KLF8: variants seen among roughly 807,000 people sequenced by gnomAD.
KLF8 encodes KLF transcription factor 8, also known as Krueppel-like factor 8.
KLF8 carries 10 observed loss-of-function variants against 18.2 expected under a neutral mutation model. The ratio of observed to expected loss-of-function variants is 0.55; its 90% CI spans 0.34 to 0.93. KLF8 has a LOEUF of 0.93. KLF8 is among the 40% of genes least tolerant of loss of function. The pLI is 0.02. For synonymous variants in KLF8, 109 were observed against 97.3 expected, an observed-to-expected ratio of 1.12 and a Z score of -0.71; for missense variants, 264 against 277.9, an observed-to-expected ratio of 0.95 and a Z score of 0.36.
the KLF8 span, among the ~76,000 whole-genome samples, chrX:56,131,634 C>A: frequency 9.0e-6 from 1 of 111,511 alleles, no homozygotes; most frequent in East Asian, 2.8e-4. Context: ...TACCTCACAT[C>A]TCAATACTAA....
At chrX:56,193,734 A>T in the KLF8 span, among the ~76,000 whole-genome samples, 1 of 111,899 alleles carries the variant, frequency 8.9e-6, no homozygotes, top group Non-Finnish European at 1.9e-5. Context: ...CAAACTTCAC[A>T]TGTTAAGGCT....
chrX:56,050,945 G>C, the KLF8 span, among the ~76,000 whole-genome samples: 1 of 109,271 alleles, frequency 9.2e-6, no homozygotes, highest in South Asian at 4.1e-4. Flanking sequence ...TATGAATCTT[G>C]GTGCTCCTGT....
the KLF8 span, among the ~76,000 whole-genome samples, chrX:55,986,722 G>T: frequency 1.8e-4 from 20 of 111,855 alleles, 2 homozygotes; most frequent in South Asian, 7.5e-3. Context: ...TAGGTTCACA[G>T]AGTTAATGTA....
At chrX:56,188,930 T>C in the KLF8 span, among the ~76,000 whole-genome samples, 4 of 111,666 alleles carry the variant, frequency 3.6e-5, no homozygotes, top group Admixed American at 2.9e-4. Context: ...GAAGAAAACC[T>C]AGGCAATACC....
At chrX:55,918,459 T>G in the KLF8 span, among the ~76,000 whole-genome samples, 8 of 112,478 alleles carry the variant, frequency 7.1e-5, no homozygotes, top group Non-Finnish European at 1.5e-4. Flanking sequence ...TCCACACAAA[T>G]GAATACTTGG....
chrX:56,044,357 A>G, the KLF8 span, among the ~76,000 whole-genome samples: 1 of 112,136 alleles, frequency 8.9e-6, no homozygotes, highest in Non-Finnish European at 1.9e-5. Flanking sequence ...TGCAGGGTTT[A>G]CTTTTTGTCC....
At chrX:56,149,780 T>G in the KLF8 span, among the ~76,000 whole-genome samples, 1 of 110,793 alleles carries the variant, frequency 9.0e-6, no homozygotes, top group Non-Finnish European at 1.9e-5. Context: ...AATCCAAAGA[T>G]CTGGCAATAG....
At chrX:56,086,941 A>G in the KLF8 span, among the ~76,000 whole-genome samples, 1 of 111,672 alleles carries the variant, frequency 9.0e-6, no homozygotes, top group East Asian at 2.8e-4. Flanking sequence ...GTGGAGAAGG[A>G]ATCCAGCCAC....
At chrX:56,168,050 G>A in the KLF8 span, among the ~76,000 whole-genome samples, 167 of 111,721 alleles carry the variant, frequency 1.5e-3, no homozygotes, top group Non-Finnish European at 2.6e-3. Flanking sequence ...TGCCCTGAGG[G>A]ATTTAAAGAA....
At chrX:56,216,624 C>A in the KLF8 span, among the ~76,000 whole-genome samples, 2 of 109,823 alleles carry the variant, frequency 1.8e-5, no homozygotes, top group African/African-American at 6.6e-5. Flanking sequence ...GATCCTCCAA[C>A]CTTGACCTCC....
the KLF8 span, among the ~76,000 whole-genome samples, chrX:55,974,721 C>T: frequency 8.9e-6 from 1 of 112,496 alleles, no homozygotes; most frequent in South Asian, 3.6e-4. Flanking sequence ...ATAAGACATA[C>T]TTGGCTTCTG....
At chrX:56,066,742 C>T in the KLF8 span, among the ~76,000 whole-genome samples, 1 of 111,041 alleles carries the variant, frequency 9.0e-6, no homozygotes, top group East Asian at 2.9e-4. Context: ...CTGTTGAGAC[C>T]TAAGGCAGGA....
chrX:56,270,782 A>G, intron 5 of KLF8, among the ~76,000 whole-genome samples: 1 of 110,906 alleles, frequency 9.0e-6, no homozygotes, highest in East Asian at 2.8e-4. Flanking sequence ...GTAATCCACT[A>G]ACCATTAACG....
the KLF8 span, among the ~76,000 whole-genome samples, chrX:56,184,130 G>A: frequency 8.9e-6 from 1 of 112,412 alleles, no homozygotes; most frequent in Non-Finnish European, 1.9e-5. Flanking sequence ...AAAGAAAGGG[G>A]TGACAGACGG....
chrX:56,169,428 T>C, the KLF8 span, among the ~76,000 whole-genome samples: 1 of 111,129 alleles, frequency 9.0e-6, no homozygotes, highest in Non-Finnish European at 1.9e-5. Context: ...CCAGAAATGC[T>C]CTTGCATGGC....
chrX:55,971,388 T>G, the KLF8 span, among the ~76,000 whole-genome samples: 1 of 111,360 alleles, frequency 9.0e-6, no homozygotes, highest in Non-Finnish European at 1.9e-5. Context: ...TACCCTTATC[T>G]CTTGCCATAC....
At chrX:56,110,206 C>T in the KLF8 span, among the ~76,000 whole-genome samples, 1 of 111,580 alleles carries the variant, frequency 9.0e-6, no homozygotes, top group African/African-American at 3.3e-5. Context: ...TGGGTTGATT[C>T]CATGTCTTTG....
the KLF8 span, among the ~76,000 whole-genome samples, chrX:56,159,067 A>T: frequency 8.9e-6 from 1 of 111,910 alleles, no homozygotes; most frequent in African/African-American, 3.2e-5. Context: ...TGCCATCAAT[A>T]CCTAATTTAT....
chrX:56,050,522 T>C, the KLF8 span, among the ~76,000 whole-genome samples: 4 of 112,316 alleles, frequency 3.6e-5, no homozygotes, highest in African/African-American at 9.7e-5. Flanking sequence ...CATTTTGTTA[T>C]GTACCCAGTA....
Sources: allele counts gnomAD v4.1 joint callset (sites outside exome capture counted in the v4.1 genomes callset), GRCh38; gene constraint gnomAD v4.1.1; transcripts MANE v1.5; gene names NCBI Gene and HGNC (gene_info 2026-07-23, HGNC 2026-07-21).